Variants in NRXN3 observed in about 807,000 individuals in gnomAD.
The protein encoded by NRXN3 is neurexin III.
In NRXN3, 32 loss-of-function variants were observed where a neutral mutation model predicts 137.6. That is an observed-to-expected ratio of 0.23 (90% CI 0.18 to 0.31). The LOEUF (loss-of-function observed/expected upper bound fraction) is 0.31. NRXN3 is among the 10% of genes least tolerant of loss of function. The pLI is 1.00. For missense variants in NRXN3, 1,574 were observed against 2,062.5 expected (o/e 0.76, Z 4.59); for synonymous variants, 798 against 784.5 (o/e 1.02, Z -0.29).
chr14:79,457,124 G>A (rs1019104614), intron 15 of NRXN3, among the ~76,000 whole-genome samples: 18 of 152,006 alleles, frequency 1.2e-4, no homozygotes, highest in African/African-American at 3.9e-4. Context: ...TCCATCTGCT[G>A]TATATAAGAG....
intron 4 of NRXN3, among the ~76,000 whole-genome samples, chr14:78,374,328 C>A (rs1474341652): frequency 1.3e-5 from 2 of 152,132 alleles, no homozygotes; most frequent in African/African-American, 2.4e-5. Flanking sequence ...AATAGGAAAG[C>A]TTCACTAATA....
At chr14:78,429,654 T>A (rs575819195) in intron 4 of NRXN3, among the ~76,000 whole-genome samples, 1 of 152,306 alleles carries the variant, frequency 6.6e-6, no homozygotes, top group Admixed American at 6.5e-5. Flanking sequence ...GTTCTATTTG[T>A]TGTGCCAGCT....
chr14:79,764,231 A>C (rs1370123720), intron 19 of NRXN3, among the ~76,000 whole-genome samples: 2 of 151,614 alleles, frequency 1.3e-5, no homozygotes, highest in Non-Finnish European at 2.9e-5. Flanking sequence ...ATCTGCCCTC[A>C]TTTTCAACCT....
intron 10 of NRXN3, among the ~76,000 whole-genome samples, chr14:78,907,526 A>G (rs2099221828): frequency 6.6e-6 from 1 of 152,106 alleles, no homozygotes; most frequent in Non-Finnish European, 1.5e-5. Context: ...CCCATTCCAC[A>G]TAGAGTTCAA....
intron 19 of NRXN3, among the ~76,000 whole-genome samples, chr14:79,700,669 A>G (rs1245737435): frequency 6.6e-6 from 1 of 152,108 alleles, no homozygotes; most frequent in Non-Finnish European, 1.5e-5. Flanking sequence ...AGGTGCTTTC[A>G]GTGCTGCTTT....
At chr14:79,200,220 C>T (rs745705271) in intron 15 of NRXN3, among the ~76,000 whole-genome samples, 6 of 152,086 alleles carry the variant, frequency 3.9e-5, no homozygotes, top group Non-Finnish European at 8.8e-5. Context: ...GTGGGAAATC[C>T]TGAACTAGAG....
chr14:78,931,666 T>C (rs2099322315), intron 10 of NRXN3, among the ~76,000 whole-genome samples: 1 of 152,164 alleles, frequency 6.6e-6, no homozygotes, highest in African/African-American at 2.4e-5. Flanking sequence ...TGCTTAACTC[T>C]GAAAAAATCT....
intron 14 of NRXN3, among the ~76,000 whole-genome samples, chr14:78,969,853 GTGTATA>G (rs2099430627): frequency 6.8e-6 from 1 of 147,182 alleles, no homozygotes; most frequent in Admixed American, 6.8e-5. Context: ...GTGTGTGTGT[GTGTATA>G]AAGGGACAGG....
intron 16 of NRXN3, among the ~76,000 whole-genome samples, chr14:79,509,872 G>C (rs1485309343): frequency 6.6e-6 from 1 of 152,038 alleles, no homozygotes; most frequent in Admixed American, 6.6e-5. Context: ...TGAACTGAAG[G>C]TTTTGGAAAA....
intron 6 of NRXN3, among the ~76,000 whole-genome samples, chr14:78,651,766 G>T (rs907983859): frequency 1.3e-5 from 2 of 152,090 alleles, no homozygotes; most frequent in Non-Finnish European, 2.9e-5. Flanking sequence ...TCACTATCAT[G>T]AGAACAGCAT....
intron 4 of NRXN3, among the ~76,000 whole-genome samples, chr14:78,470,558 A>G (rs1364664971): frequency 6.6e-6 from 1 of 152,068 alleles, no homozygotes; most frequent in Non-Finnish European, 1.5e-5. Context: ...AGTCTTGTAT[A>G]TCAGTGGGGC....
chr14:78,957,504 G>T, intron 11 of NRXN3, 143 bp downstream of exon 11: 3 of 917,796 alleles, frequency 3.3e-6, no homozygotes, highest in South Asian at 3.5e-5. Flanking sequence ...CTCAGGCAAG[G>T]CTAAGAAGGT....
At chr14:78,198,312 G>A (rs1190975649) in intron 1 of NRXN3, among the ~76,000 whole-genome samples, 1 of 152,178 alleles carries the variant, frequency 6.6e-6, no homozygotes, top group Non-Finnish European at 1.5e-5. Flanking sequence ...AATAGCCATG[G>A]CTTATTATGG....
intron 4 of NRXN3, among the ~76,000 whole-genome samples, chr14:78,578,745 C>T (rs1281049775): frequency 6.6e-6 from 1 of 152,124 alleles, no homozygotes; most frequent in African/African-American, 2.4e-5. Flanking sequence ...TTAGGGCTGT[C>T]TGTGAGACTT....
At chr14:79,693,249 A>T (rs1344919023) in intron 18 of NRXN3, among the ~76,000 whole-genome samples, 1 of 151,982 alleles carries the variant, frequency 6.6e-6, no homozygotes, top group African/African-American at 2.4e-5. Context: ...ACATTTGTAG[A>T]GATTTCATTG....
intron 4 of NRXN3, among the ~76,000 whole-genome samples, chr14:78,529,555 A>G (rs1237256127): frequency 6.6e-6 from 1 of 152,168 alleles, no homozygotes; most frequent in African/African-American, 2.4e-5. Context: ...TCTTCTACCT[A>G]TCCATAGAAC....
At chr14:78,235,573 C>T (rs1241790221) in intron 1 of NRXN3, among the ~76,000 whole-genome samples, 4 of 146,612 alleles carry the variant, frequency 2.7e-5, no homozygotes, top group Admixed American at 1.4e-4. Context: ...CTTCTTAGTT[C>T]TTGGGAAAAC....
Position 79,772,344 on chromosome 14 carries a change from G to A in NRXN3, c.4015-32768G>A, listed in dbSNP as rs1300604907. Reference sequence around the variant, plus strand: ...GTCAATCCTAAGCCAAAAGAACAAAGCTGGAGGCATCACACTACCTGACTT... The same window carrying A: ...GTCAATCCTAAGCCAAAAGAACAAAACTGGAGGCATCACACTACCTGACTT... On this transcript the variant is annotated intron_variant, in intron 19 of 20. Coordinates refer to ENST00000335750, the MANE Select transcript of NRXN3 (RefSeq NM_001330195.2). Among the ~76,000 whole-genome samples, 18 of 152,172 alleles carry A rather than the reference G, an allele frequency of 1.2e-4. No homozygotes were observed. In the South Asian group the frequency reaches 3.5e-3, roughly 30 times the overall value.
At chr14:79,805,297 T>A (rs955526444) in intron 20 of NRXN3, 107 bp downstream of exon 20, 1 of 604,368 alleles carries the variant, frequency 1.7e-6, no homozygotes, top group African/African-American at 1.9e-5. Flanking sequence ...TTATAGTGTG[T>A]TAATGTGTGT....
Sources: allele counts gnomAD v4.1 joint callset (sites outside exome capture counted in the v4.1 genomes callset), GRCh38; gene constraint gnomAD v4.1.1; transcripts MANE v1.5; gene names NCBI Gene and HGNC (gene_info 2026-07-23, HGNC 2026-07-21).